NET1: variants seen among roughly 807,000 people sequenced by gnomAD.
The protein encoded by NET1 is neuroepithelial cell-transforming gene 1 protein.
In NET1, 42 loss-of-function variants were observed where a neutral mutation model predicts 61.1. That is an observed-to-expected ratio of 0.69 (90% CI 0.54 to 0.89). The LOEUF is 0.89. Among genes scored for constraint, NET1 ranks in the 40% least tolerant of loss-of-function variants. NET1 has a pLI of 0.00. For missense variants in NET1, 654 were observed against 747.3 expected (o/e 0.88, Z 1.46); for synonymous variants, 254 against 281.8 (o/e 0.90, Z 0.99).
rs1832804981 is a variant in NET1, at chr10:5,456,663, TC to T, written c.1462del (p.His488ThrfsTer60). 1 of 1,613,836 alleles carries T rather than the reference TC, an allele frequency of 6.2e-7. No homozygotes were observed. Among genetic ancestry groups the T allele is most frequent in the South Asian group, 1.1e-5 (1 of 91,026 alleles). On this transcript the variant is annotated frameshift_variant, in exon 12 of 12. Transcript: ENST00000355029. LOFTEE classifies it low-confidence loss of function (END_TRUNC). This position sits in a 1 kb window ranked among gnomAD's most constrained non-coding sequence, Gnocchi z 7.0. ...QSHTLQANDV[F>X]HKQQWFNCIR... ...CACACTCTGCAAGCCAATGACGTGT[TC>T]CACAAGCAGCAGTGGTTCAACTGTA...
Position 5,453,277 on chromosome 10 carries a change from T to A in NET1, c.622T>A (p.Ser208Thr). ...CTATCATGACCCCATGTTAAAGTTG[T>A]CCATCATGTCAGAAGAGGAACTCAC... ...KAYHDPMLKL[S>T]IMSEEELTHI... Residue 208 changes from serine (S) to threonine (T), a missense_variant, in exon 7 of 12, where the codon TCC becomes ACC. Coordinates refer to ENST00000355029, the MANE Select transcript of NET1 (RefSeq NM_001047160.3). The surrounding 1 kb of genome is among the most constrained non-coding windows in gnomAD (Gnocchi z 4.9). The A allele has an allele frequency of 6.2e-7, 1 of 1,610,994 alleles. No individual in the cohort carries two copies. The highest frequency in any genetic ancestry group is 8.5e-7 in the Non-Finnish European group (1 of 1,177,196).
At position 5,453,276 on chromosome 10, in the gene NET1, G is replaced by A. The variant is rs780188156; in HGVS notation, c.621G>A (p.Leu207=). ...RKAYHDPMLK[L]SIMSEEELTH... is the part of the protein sequence containing the mutation. ...CCTATCATGACCCCATGTTAAAGTT[G>A]TCCATCATGTCAGAAGAGGAACTCA... The change falls in exon 7 of 12, where the codon TTG becomes TTA. Residue 207 remains leucine (L), a synonymous_variant. Transcript: ENST00000355029. This position sits in a 1 kb window ranked among gnomAD's most constrained non-coding sequence, Gnocchi z 4.9. 1.2e-6 allele frequency: 2 copies of A among 1,610,810 alleles called. No homozygotes were observed. The highest frequency in any genetic ancestry group is 1.3e-5 in the African/African-American group (1 of 74,892).
At position 5,421,524 on chromosome 10, in the gene NET1, A is replaced by G. The variant is rs1832173742; in HGVS notation, c.129-5131A>G. On this transcript the variant is annotated intron_variant, in intron 1 of 11. Coordinates refer to ENST00000355029, the MANE Select transcript of NET1 (RefSeq NM_001047160.3). This position sits in a 1 kb window ranked among gnomAD's most constrained non-coding sequence, Gnocchi z 4.2. ...CAGTTAAAGGTATAGCCTTAAATCAATTCTTGACAACCCAGGATCTTTATT... is the reference window on the plus strand; with the variant it reads ...CAGTTAAAGGTATAGCCTTAAATCAGTTCTTGACAACCCAGGATCTTTATT... 2.6e-5 allele frequency among the ~76,000 whole-genome samples: 4 copies of G among 152,346 alleles called. 1 individual carries two copies. The South Asian group carries it at 8.3e-4, about 32-fold the overall frequency.
At chr10:5,445,987 T>C (rs182151451) in intron 3 of NET1, among the ~76,000 whole-genome samples, 22 of 152,248 alleles carry the variant, frequency 1.4e-4, no homozygotes, top group Non-Finnish European at 2.4e-4. Flanking sequence ...TTTAAAAAGA[T>C]CCAGAAAAAA....
chr10:5,453,299 TCA>T lies in NET1; in HGVS notation c.649_650del (p.His217TyrfsTer4). 2 of 1,613,072 alleles carry T rather than the reference TCA, an allele frequency of 1.2e-6. No homozygotes were observed. The highest frequency in any genetic ancestry group is 2.2e-5 in the East Asian group (1 of 44,870). On this transcript the variant is annotated frameshift_variant, in exon 7 of 12. Coordinates refer to ENST00000355029, the MANE Select transcript of NET1 (RefSeq NM_001047160.3). LOFTEE classifies it high-confidence loss of function. The surrounding 1 kb of genome is among the most constrained non-coding windows in gnomAD (Gnocchi z 4.9). Reference sequence around the variant, plus strand: ...TTGTCCATCATGTCAGAAGAGGAACTCACACATATATTTGGTGATCTGGACTC... The same window carrying T: ...TTGTCCATCATGTCAGAAGAGGAACTCACATATATTTGGTGATCTGGACTC...
Position 5,455,194 on chromosome 10 carries a change from A to G in NET1, c.1197+76A>G. 7.2e-6 allele frequency: 10 copies of G among 1,389,120 alleles called. No homozygotes were observed. The highest frequency in any genetic ancestry group is 1.0e-5 in the Non-Finnish European group (10 of 990,230). 86.0% of individuals were successfully genotyped at this position (1,389,120 alleles called of 1,614,324 possible). A position where few individuals can be genotyped will look rare whatever the true frequency, so the allele number is the denominator to read the frequency against. ...AACTTTTACACGTTTGTTATGAAGCAGGCTTGTAAAGGGAAAGTCATGACA... is the reference window on the plus strand; with the variant it reads ...AACTTTTACACGTTTGTTATGAAGCGGGCTTGTAAAGGGAAAGTCATGACA... On this transcript the variant is annotated intron_variant, in intron 10 of 11. Transcript: ENST00000355029. The surrounding 1 kb of genome is among the most constrained non-coding windows in gnomAD (Gnocchi z 6.5).
chr10:5,415,605 A>T lies in NET1; in HGVS notation c.128+2785A>T, dbSNP rs1832069647. ...CAGGCATGTGTCACCACGTGTGGCT[A>T]ATTTTTTGTATTTTTAGTAAAGACA... On this transcript the variant is annotated intron_variant, in intron 1 of 11. Coordinates refer to ENST00000355029, the MANE Select transcript of NET1 (RefSeq NM_001047160.3). The surrounding 1 kb of genome is among the most constrained non-coding windows in gnomAD (Gnocchi z 4.7). Among the ~76,000 whole-genome samples the T allele has an allele frequency of 6.6e-6, 1 of 151,990 alleles. No individual in the cohort carries two copies. The highest frequency in any genetic ancestry group is 1.5e-5 in the Non-Finnish European group (1 of 67,960).
chr10:5,438,064 C>G (rs541804469), intron 3 of NET1, among the ~76,000 whole-genome samples: 19 of 152,202 alleles, frequency 1.2e-4, no homozygotes, highest in African/African-American at 4.6e-4. Flanking sequence ...AATGAAAACA[C>G]AACATGCTAA....
Position 5,446,528 on chromosome 10 carries a change from G to C in NET1, c.256-5302G>C. 2 of 1,118,174 alleles carry C rather than the reference G, an allele frequency of 1.8e-6. No individual in the cohort carries two copies. The highest frequency in any genetic ancestry group is 2.2e-6 in the Non-Finnish European group (2 of 914,582). 69.3% of individuals were successfully genotyped at this position (1,118,174 alleles called of 1,614,324 possible). On this transcript the variant is annotated intron_variant, in intron 3 of 11. Transcript: ENST00000355029. This position sits in a 1 kb window ranked among gnomAD's most constrained non-coding sequence, Gnocchi z 5.0. ...TCTCAGTTAACTGAAGTCACGTGGT[G>C]GTGGACCCCGCCCCCAGGGCCCGGT...
rs1832671046 is a variant in NET1, at chr10:5,449,536, T to G, written c.256-2294T>G. On this transcript the variant is annotated intron_variant, in intron 3 of 11. Coordinates refer to ENST00000355029, the MANE Select transcript of NET1 (RefSeq NM_001047160.3). The surrounding 1 kb of genome is among the most constrained non-coding windows in gnomAD (Gnocchi z 4.4). Reference sequence around the variant, plus strand: ...CCAAATACCACTTGGCATAATATGCTGCCACCCTAAAGAGACCACATCAAC... The same window carrying G: ...CCAAATACCACTTGGCATAATATGCGGCCACCCTAAAGAGACCACATCAAC... Among the ~76,000 whole-genome samples, 1 of 152,232 alleles carries G rather than the reference T, an allele frequency of 6.6e-6. No individual in the cohort carries two copies. The highest frequency in any genetic ancestry group is 6.5e-5 in the Admixed American group (1 of 15,280).
rs1173804499 is a variant in NET1 at position 5,455,047 on chromosome 10, C to T, written c.1126C>T (p.Gln376Ter). The change falls in exon 10 of 12, where the codon CAG becomes TAG. Residue 376 changes from glutamine to a stop codon, truncating the protein, a stop_gained. Transcript: ENST00000355029. LOFTEE classifies it high-confidence loss of function. The surrounding 1 kb of genome is among the most constrained non-coding windows in gnomAD (Gnocchi z 6.5). Reference sequence around the variant, plus strand: ...CAAGCTGGAGTACCTGGATGAAAAGCAGAGGGACCCCAGAATCGAAGCGAG... The same window carrying T: ...CAAGCTGGAGTACCTGGATGAAAAGTAGAGGGACCCCAGAATCGAAGCGAG... ...IDKLEYLDEK[Q>*]RDPRIEASKV... 1 of 1,614,026 alleles carries T rather than the reference C, an allele frequency of 6.2e-7. No individual in the cohort carries two copies. The highest frequency in any genetic ancestry group is 8.5e-7 in the Non-Finnish European group (1 of 1,180,036).
At chr10:5,418,147 TG>T (rs1300143774) in intron 1 of NET1, among the ~76,000 whole-genome samples, 1 of 152,182 alleles carries the variant, frequency 6.6e-6, no homozygotes, top group African/African-American at 2.4e-5. Context: ...GTTTTGGTAT[TG>T]GGATAATACT....
In NET1 at chr10:5,441,153, C is replaced by G. The variant is rs972688967; in HGVS notation, c.256-10677C>G. Among the ~76,000 whole-genome samples, 1 of 152,240 alleles carries G rather than the reference C, an allele frequency of 6.6e-6. No individual in the cohort carries two copies. The highest frequency in any genetic ancestry group is 6.5e-5 in the Admixed American group (1 of 15,290). On this transcript the variant is annotated intron_variant, in intron 3 of 11. Transcript: ENST00000355029. The surrounding 1 kb of genome is among the most constrained non-coding windows in gnomAD (Gnocchi z 4.6). ...GTAAAACACACCACAGACTTCTCCTCTCAACGGACTGAAGAGGGGAGCTTT... is the reference window on the plus strand; with the variant it reads ...GTAAAACACACCACAGACTTCTCCTGTCAACGGACTGAAGAGGGGAGCTTT...
At position 5,420,491 on chromosome 10, in the gene NET1, TTA is replaced by T. The variant is rs1393791683; in HGVS notation, c.129-6162_129-6161del. Among the ~76,000 whole-genome samples, 1 of 152,224 alleles carries T rather than the reference TTA, an allele frequency of 6.6e-6. No individual in the cohort carries two copies. Among genetic ancestry groups the T allele is most frequent in the African/African-American group, 2.4e-5 (1 of 41,452 alleles). On this transcript the variant is annotated intron_variant, in intron 1 of 11. Transcript: ENST00000355029. This position sits in a 1 kb window ranked among gnomAD's most constrained non-coding sequence, Gnocchi z 5.3. ...TGTGCAAGTTTCTCTGGGGCAGCAG[TTA>T]TGTTTTCTATGTAGATATTCCCTAC...
chr10:5,448,227 C>T (rs562815992), intron 3 of NET1, among the ~76,000 whole-genome samples: 1 of 152,200 alleles, frequency 6.6e-6, no homozygotes, highest in African/African-American at 2.4e-5. Context: ...AGAAGAGACC[C>T]TCCTAAAATA....
rs373843358 is a variant in NET1 at position 5,455,001 on chromosome 10, C to T, written c.1080C>T (p.Ser360=). 22 of 1,613,858 alleles carry T rather than the reference C, an allele frequency of 1.4e-5. No homozygotes were observed. Among genetic ancestry groups the T allele is most frequent in the African/African-American group, 4.0e-5 (3 of 74,876 alleles). The change falls in exon 10 of 12, where the codon TCC becomes TCT. Residue 360 remains serine, a synonymous_variant. Coordinates refer to ENST00000355029, the MANE Select transcript of NET1 (RefSeq NM_001047160.3). This position sits in a 1 kb window ranked among gnomAD's most constrained non-coding sequence, Gnocchi z 6.5. The part of the protein sequence containing the change: ...LSDINLKKGE[S]ECQYYIDKLE... Reference sequence around the variant, plus strand: ...ATATCAACTTGAAGAAAGGTGAATCCGAGTGCCAGTATTACATCGACAAGC... The same window carrying T: ...ATATCAACTTGAAGAAAGGTGAATCTGAGTGCCAGTATTACATCGACAAGC...
chr10:5,451,793 A>G lies in NET1; in HGVS notation c.256-37A>G, dbSNP rs747625842. The G allele has an allele frequency of 1.3e-6, 2 of 1,509,120 alleles. No individual in the cohort carries two copies. The highest frequency in any genetic ancestry group is 1.1e-5 in the South Asian group (1 of 88,140). 93.5% of individuals were successfully genotyped at this position (1,509,120 alleles called of 1,614,324 possible). ...AAGTTTGTATGAAATCATTGCACCT[A>G]GACATATATTTAGTGTCATCTGGTT... is the stretch of plus-strand genomic sequence containing the variant. On this transcript the variant is annotated intron_variant, in intron 3 of 11. Transcript: ENST00000355029. This position sits in a 1 kb window ranked among gnomAD's most constrained non-coding sequence, Gnocchi z 6.1.
In NET1 at chr10:5,439,387, A is replaced by C. The variant is rs77906524; in HGVS notation, c.255+10158A>C. On this transcript the variant is annotated intron_variant, in intron 3 of 11. Coordinates refer to ENST00000355029, the MANE Select transcript of NET1 (RefSeq NM_001047160.3). This position sits in a 1 kb window ranked among gnomAD's most constrained non-coding sequence, Gnocchi z 4.8. ...AGACCTACTCCACCCCTAGATGAAG[A>C]GTTGAAAGAGAAGTACCAGTGTAAT... Among the ~76,000 whole-genome samples the C allele has an allele frequency of 6.5e-3, 988 of 152,350 alleles. 36 individuals carry two copies. In the East Asian group the frequency reaches 0.11, roughly 16 times the overall value.
In NET1 at chr10:5,453,642, T is replaced by C. The variant is rs1485379037; in HGVS notation, c.768+82T>C. 2 of 1,198,804 alleles carry C rather than the reference T, an allele frequency of 1.7e-6. No individual in the cohort carries two copies. Among genetic ancestry groups the C allele is most frequent in the African/African-American group, 1.5e-5 (1 of 66,650 alleles). 74.3% of individuals were successfully genotyped at this position (1,198,804 alleles called of 1,614,324 possible). On this transcript the variant is annotated intron_variant, in intron 8 of 11. Coordinates refer to ENST00000355029, the MANE Select transcript of NET1 (RefSeq NM_001047160.3). The surrounding 1 kb of genome is among the most constrained non-coding windows in gnomAD (Gnocchi z 4.9). ...GTTTCTGATGAATATGAGACAGATT[T>C]GATCCCACAACTCTGTTCTACAAAC...
Sources: allele counts gnomAD v4.1 joint callset (sites outside exome capture counted in the v4.1 genomes callset), GRCh38; gene constraint gnomAD v4.1.1; non-coding constraint Gnocchi (gnomAD v3.1); transcripts MANE v1.5; gene names NCBI Gene and HGNC (gene_info 2026-07-23, HGNC 2026-07-21).